Variants in MAPK8IP3 observed in about 807,000 individuals in gnomAD.
MAPK8IP3 encodes C-Jun-amino-terminal kinase-interacting protein 3.
A neutral mutation model predicts 157.8 loss-of-function variants in MAPK8IP3; 49 were observed. The observed-to-expected ratio is 0.31, with a 90% CI of 0.25 to 0.39. The LOEUF (loss-of-function observed/expected upper bound fraction) is 0.39, where lower values mean the gene tolerates loss of function less well. Ranked by LOEUF, MAPK8IP3 falls within the 10% of genes least tolerant of loss-of-function variation. The pLI, the probability that MAPK8IP3 is intolerant of heterozygous loss-of-function variation, is 1.00. For missense variants in MAPK8IP3, 1,478 were observed against 1,889.4 expected (o/e 0.78, Z 4.04); for synonymous variants, 897 against 777.7 (o/e 1.15, Z -2.55).
chr16:1,768,716 C>T lies in MAPK8IP3; in HGVS notation c.3906C>T (p.Asp1302=), dbSNP rs368321815. 25 of 1,611,574 alleles carry T rather than the reference C, an allele frequency of 1.6e-5. No homozygotes were observed. The African/African-American group carries it at 2.3e-4, about 15-fold the overall frequency. Residue 1302 remains aspartate, a synonymous_variant, in exon 32 of 32, where the codon GAC becomes GAT. Transcript: ENST00000610761. ...CTTTGCCCGCAGGAGACGGAGAGGACGACGAGACGGAGGAGGGCGCAGGGG... is the reference window on the plus strand; with the variant it reads ...CTTTGCCCGCAGGAGACGGAGAGGATGACGAGACGGAGGAGGGCGCAGGGG... The part of the protein sequence containing the change: ...YIDFRIGDGE[D]DETEEGAGDM...
intron 1 of MAPK8IP3, among the ~76,000 whole-genome samples, chr16:1,721,943 T>G (rs1385119284): frequency 2.0e-5 from 3 of 151,552 alleles, no homozygotes; most frequent in African/African-American, 7.3e-5. Context: ...CTAATTTTTT[T>G]TATTTTTAGT....
At chr16:1,732,951 C>G (rs896593988) in intron 4 of MAPK8IP3, among the ~76,000 whole-genome samples, 2 of 152,262 alleles carry the variant, frequency 1.3e-5, no homozygotes, top group Non-Finnish European at 2.9e-5. Context: ...CAGGTGTTTC[C>G]ATCAGATCCC....
At chr16:1,766,178 C>G in intron 21 of MAPK8IP3, 36 bp downstream of exon 21, 1 of 1,602,034 alleles carries the variant, frequency 6.2e-7, no homozygotes, top group Middle Eastern at 1.7e-4. Context: ...TCCCCTCATT[C>G]CCACGTTTCT....
In MAPK8IP3 at chr16:1,762,367, C is replaced by T. The variant is rs757702780; in HGVS notation, c.1556C>T (p.Ala519Val). The change falls in exon 14 of 32, where the codon GCC becomes GTC. Residue 519 changes from alanine (A) to valine (V), a missense_variant. Physicochemically the swap from Ala to Val is moderately conservative, Grantham distance 64 (BLOSUM62 0). Around this residue, in one of 11 missense-constraint regions of MAPK8IP3, gnomAD observed 96 missense variants for 106.3 expected, o/e 0.90. Coordinates refer to ENST00000610761, the MANE Select transcript of MAPK8IP3 (RefSeq NM_001318852.2). ...CCTCCGCAGGACAAAATCCCCATGG[C>T]CCAGCGCCGCCGCTTCACGCGGGTG... ...LCTESDKIPM[A>V]QRRRFTRVEM... is the part of the protein sequence containing the mutation. 2 of 1,577,464 alleles carry T rather than the reference C, an allele frequency of 1.3e-6. No individual in the cohort carries two copies. Among genetic ancestry groups the T allele is most frequent in the East Asian group, 2.3e-5 (1 of 42,660 alleles).
chr16:1,732,608 G>C (rs2039388194), intron 4 of MAPK8IP3, among the ~76,000 whole-genome samples: 1 of 152,250 alleles, frequency 6.6e-6, no homozygotes, highest in Non-Finnish European at 1.5e-5. Flanking sequence ...CTTGCCCTGA[G>C]AACGGGCGGC....
chr16:1,764,321 C>A lies in MAPK8IP3; in HGVS notation c.2142C>A (p.Val714=). ...PTMKLWCAAG[V]NLSGWRPNED... Reference sequence around the variant, plus strand: ...TGCAGCTGTGGTGTGCCGCGGGCGTCAACCTGAGCGGGTGGAGGCCCAATG... The same window carrying A: ...TGCAGCTGTGGTGTGCCGCGGGCGTAAACCTGAGCGGGTGGAGGCCCAATG... The change falls in exon 19 of 32, where the codon GTC becomes GTA. Residue 714 remains valine (V), a synonymous_variant. Transcript: ENST00000610761. 1 of 1,576,416 alleles carries A rather than the reference C, an allele frequency of 6.3e-7. No homozygotes were observed. Among genetic ancestry groups the A allele is most frequent in the South Asian group, 1.2e-5 (1 of 86,944 alleles).
chr16:1,764,075 G>GC, intron 17 of MAPK8IP3, 40 bp from the exon 18 acceptor site: 1 of 1,543,820 alleles, frequency 6.5e-7, no homozygotes. Context: ...ATGGGTAGGA[G>GC]CCAGGGTTCG....
intron 2 of MAPK8IP3, among the ~76,000 whole-genome samples, chr16:1,727,206 C>T (rs1197728968): frequency 6.7e-6 from 1 of 150,200 alleles, no homozygotes; most frequent in Non-Finnish European, 1.5e-5. Flanking sequence ...GAGTTGTGTG[C>T]TGTGTGCGGC....
At chr16:1,734,009 C>T (rs1460354183) in intron 4 of MAPK8IP3, among the ~76,000 whole-genome samples, 1 of 152,204 alleles carries the variant, frequency 6.6e-6, no homozygotes, top group Non-Finnish European at 1.5e-5. Flanking sequence ...CAGGAAGCCT[C>T]CATTTGTGAA....
At chr16:1,752,334 T>G (rs1416075683) in intron 8 of MAPK8IP3, 1 of 217,648 alleles carries the variant, frequency 4.6e-6, no homozygotes, top group East Asian at 1.8e-4. Flanking sequence ...GCCACCCTAC[T>G]CTGCAGGGTG....
At position 1,746,597 on chromosome 16, in the gene MAPK8IP3, C is replaced by T. The variant is rs75899815; in HGVS notation, c.748-432C>T. 1.9e-4 allele frequency: 38 copies of T among 200,982 alleles called. No homozygotes were observed. The South Asian group carries it at 3.1e-3, about 16-fold the overall frequency. The allele number at this position is 200,982 out of a possible 1,614,324, so 12.4% of individuals were successfully genotyped here. A position where few individuals can be genotyped will look rare whatever the true frequency, so the allele number is the denominator to read the frequency against. On this transcript the variant is annotated intron_variant, in intron 5 of 31. Transcript: ENST00000610761. Reference sequence around the variant, plus strand: ...GAGCTCTTCAGCACAGTGATGGTGACGGGGCAGCGGTGGCGGCACAGCCAG... The same window carrying T: ...GAGCTCTTCAGCACAGTGATGGTGATGGGGCAGCGGTGGCGGCACAGCCAG...
chr16:1,758,979 G>A lies in MAPK8IP3; in HGVS notation c.1230G>A (p.Val410=), dbSNP rs200690833. Residue 410 remains valine (V), a splice_region_variant and synonymous_variant, in exon 10 of 32, where the codon GTG becomes GTA. Transcript: ENST00000610761. ...EGADLLGEFS[V]RDDFFGMGKE... Reference sequence around the variant, plus strand: ...TGTGGGACGGGGACGGCTCCCTAGTGCGCGATGATTTCTTTGGTAAGGCTG... The same window carrying A: ...TGTGGGACGGGGACGGCTCCCTAGTACGCGATGATTTCTTTGGTAAGGCTG... The A allele has an allele frequency of 8.1e-5, 130 of 1,614,060 alleles. No homozygotes were observed. Among genetic ancestry groups the A allele is most frequent in the Admixed American group, 1.2e-4 (7 of 60,012 alleles).
At chr16:1,744,731 C>T (rs969223407) in intron 5 of MAPK8IP3, 22 of 985,408 alleles carry the variant, frequency 2.2e-5, no homozygotes, top group Non-Finnish European at 2.4e-5. Context: ...GCTCTGGGCC[C>T]GCTCTTCTTC....
In MAPK8IP3 at chr16:1,761,227, G is replaced by A. The variant is rs2041916214; in HGVS notation, c.1461G>A (p.Val487=). The A allele has an allele frequency of 6.2e-7, 1 of 1,613,494 alleles. No individual in the cohort carries two copies. The highest frequency in any genetic ancestry group is 1.7e-5 in the Admixed American group (1 of 60,018). ...TGCCTCCTTCCCCTTCCCACAGAGT[G>A]AAGTCCGAGGCCATCATCGCCCGCC... The part of the protein sequence containing the change: ...IKELEEELKR[V]KSEAIIARRE... Residue 487 remains valine, a synonymous_variant, in exon 13 of 32, where the codon GTG becomes GTA. Coordinates refer to ENST00000610761, the MANE Select transcript of MAPK8IP3 (RefSeq NM_001318852.2).
intron 17 of MAPK8IP3, 73 bp from the exon 18 acceptor site, chr16:1,764,038 CCCTA>C: frequency 1.4e-6 from 2 of 1,398,796 alleles, no homozygotes; most frequent in Non-Finnish European, 1.9e-6. Flanking sequence ...AAGCTGGCAG[CCCTA>C]CCTGTCTCAG....
intron 8 of MAPK8IP3, among the ~76,000 whole-genome samples, chr16:1,753,152 G>C (rs1056430947): frequency 6.6e-6 from 1 of 152,332 alleles, no homozygotes; most frequent in Non-Finnish European, 1.5e-5. Context: ...CTACGTGGGC[G>C]GCCCTGCACC....
intron 4 of MAPK8IP3, among the ~76,000 whole-genome samples, chr16:1,738,875 CCATCCATGTGAG>C (rs1253473492): frequency 7.9e-6 from 1 of 126,902 alleles, no homozygotes; most frequent in Admixed American, 8.4e-5. Flanking sequence ...GTGAGTGTGA[CCATCCATGTGAG>C]CATCTGTGTG....
At chr16:1,733,315 G>A (rs1271558154) in intron 4 of MAPK8IP3, among the ~76,000 whole-genome samples, 5 of 152,180 alleles carry the variant, frequency 3.3e-5, no homozygotes, top group Non-Finnish European at 4.4e-5. Flanking sequence ...TCAGGACGCC[G>A]GCCGAGAGCC....
chr16:1,723,392 C>T (rs773290736), intron 1 of MAPK8IP3, among the ~76,000 whole-genome samples: 3 of 152,040 alleles, frequency 2.0e-5, no homozygotes, highest in African/African-American at 4.8e-5. Flanking sequence ...GTTGGTCAGG[C>T]TGGTCTCAAA....
Sources: allele counts gnomAD v4.1 joint callset (sites outside exome capture counted in the v4.1 genomes callset), GRCh38; gene constraint gnomAD v4.1.1; regional missense constraint gnomAD v4.1.1; transcripts MANE v1.5; gene names NCBI Gene and HGNC (gene_info 2026-07-23, HGNC 2026-07-21).